The following OCA2 variants were observed in gnomAD, a reference collection of about 807,000 sequenced individuals.
OCA2 encodes OCA2 melanosomal transmembrane protein, also known as P protein.
Under a neutral mutation model 100.2 loss-of-function variants are expected in OCA2, and 77 were observed. The observed-to-expected ratio is 0.77, with a 90% confidence interval of 0.64 to 0.93. The LOEUF (loss-of-function observed/expected upper bound fraction) is 0.93, where lower values mean the gene tolerates loss of function less well. OCA2 is among the 40% of genes least tolerant of loss of function. The probability of loss-of-function intolerance (pLI) is 0.00; values close to 1 mark genes in which losing one functional copy is unlikely to be tolerated. For missense variants in OCA2, 1,062 were observed against 1,089.1 expected (o/e 0.98, Z 0.35); for synonymous variants, 432 against 439.2 (o/e 0.98, Z 0.21).
chr15:28,049,549 A>C (rs1011978117), intron 2 of OCA2, among the ~76,000 whole-genome samples: 1 of 152,216 alleles, frequency 6.6e-6, no homozygotes, highest in Non-Finnish European at 1.5e-5. Flanking sequence ...CAAAATAGCC[A>C]AAATGTGGAA....
intron 15 of OCA2, among the ~76,000 whole-genome samples, chr15:27,965,934 G>T (rs1233984609): frequency 6.6e-6 from 1 of 151,228 alleles, no homozygotes; most frequent in Non-Finnish European, 1.5e-5. Flanking sequence ...TCATCCTGCT[G>T]GCTGGTGCTC....
chr15:27,854,271 G>T (rs1043847507), intron 21 of OCA2, among the ~76,000 whole-genome samples: 2 of 152,228 alleles, frequency 1.3e-5, no homozygotes, highest in African/African-American at 4.8e-5. Context: ...GGGAGGACAT[G>T]TGGAGCAGGG....
At chr15:28,036,933 C>T (rs1460892043) in intron 2 of OCA2, among the ~76,000 whole-genome samples, 1 of 152,062 alleles carries the variant, frequency 6.6e-6, no homozygotes, top group Non-Finnish European at 1.5e-5. Context: ...TTCTGCTGGA[C>T]AAGATGATAC....
At chr15:27,768,428 G>C (rs78694099) in intron 23 of OCA2, among the ~76,000 whole-genome samples, 1 of 152,132 alleles carries the variant, frequency 6.6e-6, no homozygotes, top group Admixed American at 6.5e-5. Flanking sequence ...CTGTGTTCCC[G>C]ACTAGCCGCC....
chr15:27,764,727 A>G (rs1231707114), intron 23 of OCA2, among the ~76,000 whole-genome samples: 1 of 152,198 alleles, frequency 6.6e-6, no homozygotes, highest in Non-Finnish European at 1.5e-5. Flanking sequence ...GACCCTAAGA[A>G]TATCAGGTCC....
rs189920346 is a variant in OCA2, at chr15:27,772,624, C to T, written c.2433-17152G>A. Among the ~76,000 whole-genome samples, 415 of 152,094 alleles carry T rather than the reference C, an allele frequency of 2.7e-3. 6 individuals carry two copies. The highest frequency in any genetic ancestry group is 9.5e-3 in the African/African-American group (394 of 41,498). On this transcript the variant is annotated intron_variant, in intron 23 of 23. Coordinates refer to ENST00000354638, the MANE Select transcript of OCA2 (RefSeq NM_000275.3). ...TTGGGAGGCCGAGGTGGGTAGATCA[C>T]GAGGTCAAGAGATCAAGACCATCCT...
chr15:27,771,455 G>A (rs1408086999), intron 23 of OCA2, among the ~76,000 whole-genome samples: 1 of 152,156 alleles, frequency 6.6e-6, no homozygotes, highest in Admixed American at 6.5e-5. Flanking sequence ...GCTCCGCAGA[G>A]GCGTGGGTTC....
chr15:27,867,184 C>T (rs923097940), intron 21 of OCA2, among the ~76,000 whole-genome samples: 1 of 151,996 alleles, frequency 6.6e-6, no homozygotes, highest in African/African-American at 2.4e-5. Flanking sequence ...ATGTTGATAC[C>T]ACTAGGTGCA....
intron 23 of OCA2, among the ~76,000 whole-genome samples, chr15:27,843,279 G>A (rs1287484993): frequency 6.6e-6 from 1 of 152,152 alleles, no homozygotes; most frequent in Non-Finnish European, 1.5e-5. Flanking sequence ...GAAGGAGGCA[G>A]AGCTGGTAGA....
intron 2 of OCA2, among the ~76,000 whole-genome samples, chr15:28,053,793 G>A (rs1595885046): frequency 6.6e-6 from 1 of 152,142 alleles, no homozygotes; most frequent in South Asian, 2.1e-4. Context: ...GCGCAACCAC[G>A]GGCAGGAATT....
chr15:27,814,874 TTC>T lies in OCA2; in HGVS notation c.2432+30083_2432+30084del, dbSNP rs2034217799. ...CTCCAGCCTGGGCAACAGGGTGAGA[TTC>T]TCTCTCTATAGATAGATAGATAGAT... On this transcript the variant is annotated intron_variant, in intron 23 of 23. Coordinates refer to ENST00000354638, the MANE Select transcript of OCA2 (RefSeq NM_000275.3). 1.3e-4 allele frequency among the ~76,000 whole-genome samples: 19 copies of T among 149,422 alleles called. No individual in the cohort carries two copies. The Admixed American group carries it at 1.3e-3, about 10-fold the overall frequency.
intron 9 of OCA2, among the ~76,000 whole-genome samples, chr15:27,992,999 C>G (rs1209995756): frequency 6.6e-6 from 1 of 152,096 alleles, no homozygotes; most frequent in Non-Finnish European, 1.5e-5. Flanking sequence ...TGGCACACAC[C>G]TATAGTCCCA....
At chr15:28,018,271 A>G in intron 7 of OCA2, 126 bp downstream of exon 7, 2 of 845,068 alleles carry the variant, frequency 2.4e-6, no homozygotes, top group Non-Finnish European at 4.0e-6. Context: ...AAGAAGAGCC[A>G]ATGAATTGAC....
intron 13 of OCA2, among the ~76,000 whole-genome samples, chr15:27,984,552 TTTTG>T (rs200230269): frequency 2.8e-4 from 43 of 151,580 alleles, no homozygotes; most frequent in Admixed American, 8.5e-4. Flanking sequence ...GTGAGCCATT[TTTTG>T]TTTGTTTGTT....
chr15:27,828,980 G>A lies in OCA2; in HGVS notation c.2432+15979C>T, dbSNP rs544112583. ...GCTGCTAGCTGAGCACTGTCCTGAA[G>A]ACATCCTGCTGATGTGACTTCTAAC... On this transcript the variant is annotated intron_variant, in intron 23 of 23. Coordinates refer to ENST00000354638, the MANE Select transcript of OCA2 (RefSeq NM_000275.3). Among the ~76,000 whole-genome samples, 12 of 152,346 alleles carry A rather than the reference G, an allele frequency of 7.9e-5. No individual in the cohort carries two copies. In the East Asian group the frequency reaches 2.3e-3, roughly 29 times the overall value.
At chr15:28,080,952 T>C (rs1052566172) in intron 2 of OCA2, among the ~76,000 whole-genome samples, 2 of 152,204 alleles carry the variant, frequency 1.3e-5, no homozygotes, top group African/African-American at 4.8e-5. Context: ...TGCAGCAACA[T>C]GGATGTAGCT....
chr15:28,057,218 G>T (rs2043729332), intron 2 of OCA2, among the ~76,000 whole-genome samples: 1 of 152,172 alleles, frequency 6.6e-6, no homozygotes, highest in Admixed American at 6.5e-5. Flanking sequence ...ATTGAAGAAA[G>T]CACCTTTTTG....
At chr15:27,835,807 G>A (rs2035127926) in intron 23 of OCA2, among the ~76,000 whole-genome samples, 1 of 152,122 alleles carries the variant, frequency 6.6e-6, no homozygotes, top group African/African-American at 2.4e-5. Flanking sequence ...TTCTCTCTTG[G>A]GCTCTGTGCC....
intron 23 of OCA2, among the ~76,000 whole-genome samples, chr15:27,757,023 C>T (rs1034827577): frequency 9.2e-5 from 14 of 152,222 alleles, no homozygotes; most frequent in African/African-American, 3.4e-4. Context: ...TACTCTCCCT[C>T]ACAACACCTA....
Sources: allele counts gnomAD v4.1 joint callset (sites outside exome capture counted in the v4.1 genomes callset), GRCh38; gene constraint gnomAD v4.1.1; transcripts MANE v1.5; gene names NCBI Gene and HGNC (gene_info 2026-07-23, HGNC 2026-07-21).